MYL4: variants seen among roughly 807,000 people sequenced by gnomAD.
The protein encoded by MYL4 is myosin light chain 4.
MYL4 carries 16 observed loss-of-function variants against 21.6 expected under a neutral mutation model. The observed-to-expected ratio is 0.74, with a 90% CI of 0.50 to 1.12. The LOEUF is 1.12. Among genes scored for constraint, MYL4 ranks in the 50% most tolerant of loss-of-function variants. The probability of loss-of-function intolerance (pLI) is 0.00; values close to 1 mark genes in which losing one functional copy is unlikely to be tolerated. For synonymous variants in MYL4, 82 were observed against 95.7 expected, an observed-to-expected ratio of 0.86 and a Z score of 0.83; for missense variants, 249 against 252.9, an observed-to-expected ratio of 0.98 and a Z score of 0.11.
chr17:47,223,690 TTTTG>T (rs2064874324), downstream of MYL4: 1 of 152,206 alleles, frequency 6.6e-6, no homozygotes, highest in South Asian at 2.1e-4. Context: ...CCAGTCTCTG[TTTTG>T]TTTGTTTTTT....
chr17:47,225,540 C>T (rs2064881917), downstream of MYL4, among the ~76,000 whole-genome samples: 1 of 152,192 alleles, frequency 6.6e-6, no homozygotes, highest in Non-Finnish European at 1.5e-5. Flanking sequence ...AGCCAGTTCA[C>T]CGATTAGTCA....
Position 47,217,902 on chromosome 17 carries a change from G to A in MYL4, c.164-2002G>A, listed in dbSNP as rs374587046. Reference sequence around the variant, plus strand: ...TACATAATTAGCCTGGCGTGGTGGCGCATGCCTGTAATGCCTGTAATCCTA... The same window carrying A: ...TACATAATTAGCCTGGCGTGGTGGCACATGCCTGTAATGCCTGTAATCCTA... On this transcript the variant is annotated intron_variant, in intron 2 of 6. Transcript: ENST00000393450. Among the ~76,000 whole-genome samples, 12 of 152,022 alleles carry A rather than the reference G, an allele frequency of 7.9e-5. No individual in the cohort carries two copies. The South Asian group carries it at 2.5e-3, about 32-fold the overall frequency.
chr17:47,221,767 G>A lies in MYL4; in HGVS notation c.399G>A (p.Glu133=). Residue 133 remains glutamate (E), a synonymous_variant, in exon 4 of 7, where the codon GAG becomes GAA. Transcript: ENST00000393450. ...ISRNKEQGTY[E]DFVEGLRVFD... ...GCAACAAGGAGCAGGGCACCTATGA[G>A]GACTTCGTGGAGGGCCTGCGTGTCT... The A allele has an allele frequency of 1.2e-6, 2 of 1,614,198 alleles. No homozygotes were observed. The highest frequency in any genetic ancestry group is 1.7e-6 in the Non-Finnish European group (2 of 1,180,030).
intron 2 of MYL4, among the ~76,000 whole-genome samples, chr17:47,214,949 T>C (rs1408616816): frequency 6.6e-6 from 1 of 152,262 alleles, no homozygotes; most frequent in Non-Finnish European, 1.5e-5. Context: ...TTTAATTTAA[T>C]CAAGACTATA....
chr17:47,205,214 G>A (rs1038384174), upstream of MYL4, among the ~76,000 whole-genome samples: 3 of 152,350 alleles, frequency 2.0e-5, no homozygotes, highest in South Asian at 6.2e-4. Flanking sequence ...AGTCCCTCAT[G>A]GGAGCATTTG....
chr17:47,191,532 G>A, the MYL4 span, among the ~76,000 whole-genome samples: 2 of 152,054 alleles, frequency 1.3e-5, no homozygotes, highest in East Asian at 1.9e-4. Context: ...GTGTAATGGC[G>A]CAATCTCGGC....
chr17:47,195,865 G>A (rs2064687564), upstream of MYL4, among the ~76,000 whole-genome samples: 1 of 152,144 alleles, frequency 6.6e-6, no homozygotes, highest in Non-Finnish European at 1.5e-5. Context: ...CTGTTTAATT[G>A]TCTACTTCTG....
upstream of MYL4, among the ~76,000 whole-genome samples, chr17:47,206,288 C>T (rs2064728008): frequency 6.6e-6 from 1 of 151,860 alleles, no homozygotes; most frequent in Non-Finnish European, 1.5e-5. Flanking sequence ...CCATGCAGAC[C>T]TGATATTTTG....
At chr17:47,226,969 C>G (rs2064887931), downstream of MYL4, among the ~76,000 whole-genome samples, 1 of 152,220 alleles carries the variant, frequency 6.6e-6, no homozygotes, top group South Asian at 2.1e-4. Context: ...ATTCTCCTGC[C>G]TCAGCCTCCC....
At chr17:47,216,866 GTATTTTT>G (rs994602201) in intron 2 of MYL4, among the ~76,000 whole-genome samples, 1 of 151,900 alleles carries the variant, frequency 6.6e-6, no homozygotes, top group African/African-American at 2.4e-5. Flanking sequence ...AGATAATTTT[GTATTTTT>G]TATATAGATG....
chr17:47,192,690 G>C, the MYL4 span, among the ~76,000 whole-genome samples: 2 of 151,786 alleles, frequency 1.3e-5, no homozygotes, highest in African/African-American at 2.4e-5. Context: ...TTGTTGACCA[G>C]GCTAATACAT....
downstream of MYL4, among the ~76,000 whole-genome samples, chr17:47,226,711 C>T (rs1187588128): frequency 6.6e-6 from 1 of 152,230 alleles, no homozygotes; most frequent in Non-Finnish European, 1.5e-5. Flanking sequence ...CTGGCACAGC[C>T]GGCATGCTCC....
At chr17:47,221,887 T>A in intron 4 of MYL4, 32 bp downstream of exon 4, 1 of 1,592,272 alleles carries the variant, frequency 6.3e-7, no homozygotes, top group Non-Finnish European at 8.6e-7. Context: ...GAAGACCAAG[T>A]GGGAGGAATG....
upstream of MYL4, among the ~76,000 whole-genome samples, chr17:47,208,449 A>G (rs981032137): frequency 2.6e-5 from 4 of 152,156 alleles, no homozygotes; most frequent in Non-Finnish European, 5.9e-5. Flanking sequence ...AAACAAACAA[A>G]CAAACAAAAT....
In MYL4 at chr17:47,221,741, C is replaced by A; in HGVS notation, c.373C>A (p.Arg125Ser). The A allele has an allele frequency of 6.2e-7, 1 of 1,614,116 alleles. No individual in the cohort carries two copies. The highest frequency in any genetic ancestry group is 1.1e-5 in the South Asian group (1 of 91,068). Residue 125 changes from arginine to serine, a missense_variant, in exon 4 of 7, where the codon CGC (arginine) becomes AGC (serine). Transcript: ENST00000393450. Reference sequence around the variant, plus strand: ...CTTGCCCATCCTGCAGCACATTTCCCGCAACAAGGAGCAGGGCACCTATGA... The same window carrying A: ...CTTGCCCATCCTGCAGCACATTTCCAGCAACAAGGAGCAGGGCACCTATGA... ...TFLPILQHIS[R>S]NKEQGTYEDF...
rs753082892 is a variant in MYL4, at chr17:47,209,487, C to A, written c.65C>A (p.Ala22Asp). Residue 22 changes from alanine (A) to aspartate (D), a missense_variant, in exon 1 of 7, where the codon GCC (alanine) becomes GAC (aspartate). By Grantham distance (126) the Ala-to-Asp change is moderately radical. Coordinates refer to ENST00000393450, the MANE Select transcript of MYL4 (RefSeq NM_002476.2). Reference sequence around the variant, plus strand: ...AAGCCAGCTCCAGCTCCAGCTCCAGCCCCTGCACCAGCCCCTGCCCCAGCT... The same window carrying A: ...AAGCCAGCTCCAGCTCCAGCTCCAGACCCTGCACCAGCCCCTGCCCCAGCT... ...AAKPAPAPAP[A>D]PAPAPAPAPE... 6.2e-7 allele frequency: 1 copy of A among 1,614,086 alleles called. No homozygotes were observed. Among genetic ancestry groups the A allele is most frequent in the East Asian group, 2.2e-5 (1 of 44,904 alleles).
At chr17:47,204,476 TTC>T (rs2064720033), upstream of MYL4, among the ~76,000 whole-genome samples, 1 of 152,214 alleles carries the variant, frequency 6.6e-6, no homozygotes, top group Non-Finnish European at 1.5e-5. Context: ...AGACACTTTA[TTC>T]TACATGTGCC....
chr17:47,225,288 A>T (rs1354829857), downstream of MYL4, among the ~76,000 whole-genome samples: 2 of 152,214 alleles, frequency 1.3e-5, no homozygotes, highest in Non-Finnish European at 2.9e-5. Context: ...TTCTTTGAGG[A>T]AGGGTTTCAG....
chr17:47,208,387 T>C (rs2064744239), upstream of MYL4, among the ~76,000 whole-genome samples: 1 of 152,182 alleles, frequency 6.6e-6, no homozygotes, highest in South Asian at 2.1e-4. Context: ...TGAGCTGTGA[T>C]TGCACCACTG....
Sources: gnomAD v4.1 joint callset for allele counts (sites outside exome capture counted in the v4.1 genomes callset) on GRCh38, gnomAD v4.1.1 for gene constraint, MANE v1.5 for transcripts, NCBI Gene and HGNC (gene_info 2026-07-23, HGNC 2026-07-21) for gene names.